Variants in GUCY1A2 observed in about 807,000 individuals in gnomAD.
GUCY1A2 encodes guanylate cyclase soluble subunit alpha-2.
Under a neutral mutation model 63.5 loss-of-function variants are expected in GUCY1A2, and 27 were observed. That is an observed-to-expected ratio of 0.43 (90% CI 0.31 to 0.59). GUCY1A2 has a LOEUF of 0.59. Among genes scored for constraint, GUCY1A2 ranks in the 20% least tolerant of loss-of-function variants. The pLI is 0.11. For synonymous variants in GUCY1A2, 364 were observed against 343.5 expected, an observed-to-expected ratio of 1.06 and a Z score of -0.66; for missense variants, 768 against 913.3, an observed-to-expected ratio of 0.84 and a Z score of 2.05.
intron 5 of GUCY1A2, among the ~76,000 whole-genome samples, chr11:106,807,017 C>T (rs1179542433): frequency 6.6e-6 from 1 of 152,126 alleles, no homozygotes; most frequent in Non-Finnish European, 1.5e-5. Flanking sequence ...ACTATGAAAG[C>T]CCCATGTGGG....
chr11:106,902,188 T>C (rs954707324), intron 4 of GUCY1A2, among the ~76,000 whole-genome samples: 2 of 152,194 alleles, frequency 1.3e-5, no homozygotes, highest in African/African-American at 2.4e-5. Context: ...ATTTACTTTG[T>C]CAAAGAGCAC....
At position 106,740,648 on chromosome 11, in the gene GUCY1A2, CTGTATGTA is replaced by C. The variant is rs6144494; in HGVS notation, c.1837-31990_1837-31983del. Among the ~76,000 whole-genome samples the C allele has an allele frequency of 4.6e-3, 690 of 148,856 alleles. 6 individuals carry two copies. Among genetic ancestry groups the C allele is most frequent in the African/African-American group, 0.014 (552 of 39,910 alleles). On this transcript the variant is annotated intron_variant, in intron 6 of 7. Coordinates refer to ENST00000526355, the MANE Select transcript of GUCY1A2 (RefSeq NM_000855.3). ...TTACACTCTCCTATGGACCATATCA[CTGTATGTA>C]TGTATGTATGTATGTATGTATGTAT...
intron 4 of GUCY1A2, among the ~76,000 whole-genome samples, chr11:106,859,374 C>A (rs1407811281): frequency 6.6e-6 from 1 of 151,910 alleles, no homozygotes; most frequent in East Asian, 1.9e-4. Flanking sequence ...GCCATCCATG[C>A]TTAATTTATG....
intron 4 of GUCY1A2, among the ~76,000 whole-genome samples, chr11:106,913,739 T>C (rs1417759111): frequency 2.0e-5 from 3 of 152,080 alleles, no homozygotes; most frequent in African/African-American, 7.2e-5. Context: ...TTTATAAGCA[T>C]GACTTGCTTC....
intron 7 of GUCY1A2, among the ~76,000 whole-genome samples, chr11:106,701,144 A>G (rs1434890966): frequency 1.3e-5 from 2 of 152,176 alleles, no homozygotes; most frequent in Non-Finnish European, 2.9e-5. Context: ...AATTCCTAAA[A>G]GCAAGCCTAT....
At chr11:106,914,972 T>TA (rs1365965266) in intron 4 of GUCY1A2, among the ~76,000 whole-genome samples, 6 of 152,020 alleles carry the variant, frequency 3.9e-5, no homozygotes, top group East Asian at 1.9e-4. Flanking sequence ...TGTTGAAATT[T>TA]AAAAAAACGC....
At chr11:106,726,182 A>C (rs1246574289) in intron 6 of GUCY1A2, among the ~76,000 whole-genome samples, 1 of 152,152 alleles carries the variant, frequency 6.6e-6, no homozygotes, top group African/African-American at 2.4e-5. Context: ...TGGGAGGCTG[A>C]AGCAGGCAGA....
intron 4 of GUCY1A2, among the ~76,000 whole-genome samples, chr11:106,876,686 G>T (rs1426337158): frequency 1.3e-5 from 2 of 152,082 alleles, no homozygotes; most frequent in Non-Finnish European, 2.9e-5. Context: ...AAAGGGCTTT[G>T]TAACTTATAC....
In GUCY1A2 at chr11:106,939,586, A is replaced by C. The variant is rs1442335514; in HGVS notation, c.1080T>G (p.Phe360Leu). Reference sequence around the variant, plus strand: ...GAGATACAATCTCGAAGCAGTCCTCAAACTTGAGCACTTTGTGAGTGTCAC... The same window carrying C: ...GAGATACAATCTCGAAGCAGTCCTCCAACTTGAGCACTTTGTGAGTGTCAC... Reference protein sequence around the residue: ...LRCDTHKVLKFEDCFEIVSPK... With the variant: ...LRCDTHKVLKLEDCFEIVSPK... Residue 360 changes from phenylalanine (F) to leucine (L), a missense_variant, in exon 4 of 8, where the codon TTT (phenylalanine) becomes TTG (leucine). This residue lies in a region of GUCY1A2 where 496 missense variants were observed against 486.9 expected (regional missense o/e 1.02). Coordinates refer to ENST00000526355, the MANE Select transcript of GUCY1A2 (RefSeq NM_000855.3). 1 of 1,613,894 alleles carries C rather than the reference A, an allele frequency of 6.2e-7. No homozygotes were observed. Among genetic ancestry groups the C allele is most frequent in the South Asian group, 1.1e-5 (1 of 91,078 alleles).
intron 6 of GUCY1A2, among the ~76,000 whole-genome samples, chr11:106,762,193 T>C (rs1164913134): frequency 2.0e-5 from 3 of 152,098 alleles, no homozygotes; most frequent in Non-Finnish European, 4.4e-5. Context: ...AAATGGAGAA[T>C]ACTATAAGTT....
chr11:107,016,812 T>C (rs1403891352), intron 1 of GUCY1A2, among the ~76,000 whole-genome samples: 1 of 148,980 alleles, frequency 6.7e-6, no homozygotes, highest in Non-Finnish European at 1.5e-5. Context: ...TACAGAGAGG[T>C]TTAAATAGCT....
intron 1 of GUCY1A2, among the ~76,000 whole-genome samples, chr11:106,994,608 A>T (rs1206951725): frequency 2.0e-5 from 3 of 152,166 alleles, no homozygotes; most frequent in Non-Finnish European, 1.5e-5. Flanking sequence ...CGAGTCTCAG[A>T]TTTAATTATC....
At chr11:107,014,362 C>T (rs1366825237) in intron 1 of GUCY1A2, among the ~76,000 whole-genome samples, 2 of 152,108 alleles carry the variant, frequency 1.3e-5, no homozygotes, top group Non-Finnish European at 2.9e-5. Flanking sequence ...GCTGGGATTA[C>T]AGGCATGAGC....
At position 106,776,564 on chromosome 11, in the gene GUCY1A2, C is replaced by T. The variant is rs377255037; in HGVS notation, c.1711G>A (p.Ala571Thr). 5 of 1,612,894 alleles carry T rather than the reference C, an allele frequency of 3.1e-6. No homozygotes were observed. The highest frequency in any genetic ancestry group is 1.3e-5 in the African/African-American group (1 of 74,894). The change falls in exon 6 of 8, where the codon GCC (alanine) becomes ACC (threonine). Residue 571 changes from alanine to threonine, a missense_variant. Physicochemically the swap from Ala to Thr is moderately conservative, Grantham distance 58 (BLOSUM62 0). Coordinates refer to ENST00000526355, the MANE Select transcript of GUCY1A2 (RefSeq NM_000855.3). ...DIYKVETIGD[A>T]YCVAAGLHRK... ...TGGAGCCCTGCTGCAACACAGTAGGCATCACCTATTGTTTCCACCTGCAGC... is the reference window on the plus strand; with the variant it reads ...TGGAGCCCTGCTGCAACACAGTAGGTATCACCTATTGTTTCCACCTGCAGC...
intron 1 of GUCY1A2, among the ~76,000 whole-genome samples, chr11:106,987,973 C>T (rs1033852987): frequency 6.6e-6 from 1 of 152,172 alleles, no homozygotes; most frequent in African/African-American, 2.4e-5. Flanking sequence ...AATCAGCTTC[C>T]AAGTGTTCAA....
At chr11:106,797,643 T>G (rs370118630) in intron 5 of GUCY1A2, among the ~76,000 whole-genome samples, 1 of 152,166 alleles carries the variant, frequency 6.6e-6, no homozygotes, top group East Asian at 1.9e-4. Context: ...ACATGGAAAC[T>G]GAACAACCTG....
chr11:106,874,040 T>G (rs1476696966), intron 4 of GUCY1A2, among the ~76,000 whole-genome samples: 1 of 152,190 alleles, frequency 6.6e-6, no homozygotes, highest in East Asian at 1.9e-4. Context: ...TATCCTTTAT[T>G]ATAGAATATT....
At chr11:106,911,772 T>A (rs1049440465) in intron 4 of GUCY1A2, among the ~76,000 whole-genome samples, 1 of 152,044 alleles carries the variant, frequency 6.6e-6, no homozygotes, top group African/African-American at 2.4e-5. Context: ...AAGCAAACTA[T>A]TGAAAACTAT....
chr11:106,731,626 C>A (rs375134395), intron 6 of GUCY1A2, among the ~76,000 whole-genome samples: 1 of 151,980 alleles, frequency 6.6e-6, no homozygotes, highest in South Asian at 2.1e-4. Context: ...TGATTCTATA[C>A]CTAGAAAACC....
Sources: gnomAD v4.1 joint callset for allele counts (sites outside exome capture counted in the v4.1 genomes callset) on GRCh38, gnomAD v4.1.1 for gene constraint, gnomAD v4.1.1 regional missense constraint, MANE v1.5 for transcripts, NCBI Gene and HGNC (gene_info 2026-07-23, HGNC 2026-07-21) for gene names.